Variants in ACBD7 observed in about 807,000 individuals in gnomAD.
ACBD7 encodes the protein acyl-CoA-binding domain-containing protein 7.
A neutral mutation model predicts 13.7 loss-of-function variants in ACBD7; 11 were observed. The observed-to-expected ratio is 0.80, with a 90% CI of 0.50 to 1.33. The LOEUF is 1.33. ACBD7 is among the 40% of genes most tolerant of loss of function. ACBD7 has a pLI of 0.00. For missense variants in ACBD7, 111 were observed against 103.0 expected, an observed-to-expected ratio of 1.08 and a Z score of -0.33; for synonymous variants, 43 against 37.7, an observed-to-expected ratio of 1.14 and a Z score of -0.51.
At position 15,075,999 on chromosome 10, in the gene ACBD7, A is replaced by T; in HGVS notation, c.*2531T>A. 3.1e-6 allele frequency: 2 copies of T among 654,170 alleles called. No homozygotes were observed. The highest frequency in any genetic ancestry group is 3.8e-6 in the Non-Finnish European group (2 of 530,420). The allele number at this position is 654,170 out of a possible 1,614,324, so 40.5% of individuals were successfully genotyped here. A position where few individuals can be genotyped will look rare whatever the true frequency, so the allele number is the denominator to read the frequency against. On this transcript the variant is annotated 3_prime_UTR_variant, in exon 4 of 4. Coordinates refer to ENST00000356189, the MANE Select transcript of ACBD7 (RefSeq NM_001039844.3). The stretch of plus-strand genomic sequence containing the variant: ...AACAAAAAAAAAAAAAAAAAAAAAG[A>T]AAAGAAAAAGAATGTTATATAAATG...
In ACBD7 at chr10:15,078,348, G is replaced by C; in HGVS notation, c.*182C>G. ...TTAAAAAGAACTTTTAAAGACACCT[G>C]GTTTAAGCAAGTACAATTGAGTTAA... On this transcript the variant is annotated 3_prime_UTR_variant, in exon 4 of 4. Transcript: ENST00000356189. 6.9e-7 allele frequency: 1 copy of C among 1,452,424 alleles called. No homozygotes were observed. The highest frequency in any genetic ancestry group is 9.0e-7 in the Non-Finnish European group (1 of 1,108,464). The allele number at this position is 1,452,424 out of a possible 1,614,324, so 90.0% of individuals were successfully genotyped here.
chr10:15,082,234 C>T (rs569481059), intron 1 of ACBD7, among the ~76,000 whole-genome samples: 256 of 143,320 alleles, frequency 1.8e-3, no homozygotes, highest in African/African-American at 6.4e-3. Flanking sequence ...TGCAGTGAGC[C>T]GAGATCATGC....
chr10:15,088,736 G>A lies in ACBD7; in HGVS notation c.-8C>T, dbSNP rs566575247. ...GGGTACCTGCAGGGCCATGGTGGCG[G>A]CTGCCGCGTTGTTGCTGCTGCTGTT... is the stretch of plus-strand genomic sequence containing the variant. On this transcript the variant is annotated 5_prime_UTR_variant, in exon 1 of 4. Coordinates refer to ENST00000356189, the MANE Select transcript of ACBD7 (RefSeq NM_001039844.3). The A allele has an allele frequency of 9.4e-6, 15 of 1,597,886 alleles. No homozygotes were observed. Among genetic ancestry groups the A allele is most frequent in the South Asian group, 8.9e-5 (8 of 89,674 alleles).
At chr10:15,085,972 AGAGATTTCAATAT>A (rs1402971187) in intron 1 of ACBD7, among the ~76,000 whole-genome samples, 1 of 152,174 alleles carries the variant, frequency 6.6e-6, no homozygotes, top group Non-Finnish European at 1.5e-5. Flanking sequence ...TAAAGACAGA[AGAGATTTCAATAT>A]GTCAGCCAGT....
intron 1 of ACBD7, among the ~76,000 whole-genome samples, chr10:15,079,671 T>C (rs1589259823): frequency 6.6e-6 from 1 of 151,292 alleles, no homozygotes; most frequent in South Asian, 2.1e-4. Context: ...CTTCGCCTCC[T>C]GGGTTCATGC....
intron 1 of ACBD7, among the ~76,000 whole-genome samples, chr10:15,083,285 G>A (rs1844770933): frequency 6.6e-6 from 1 of 152,180 alleles, no homozygotes; most frequent in South Asian, 2.1e-4. Context: ...CCTTCCTGCA[G>A]GAGGCCTTTC....
chr10:15,078,584 C>A lies in ACBD7; in HGVS notation c.213G>T (p.Ala71=). The A allele has an allele frequency of 6.2e-7, 1 of 1,614,094 alleles. No individual in the cohort carries two copies. The highest frequency in any genetic ancestry group is 8.5e-7 in the Non-Finnish European group (1 of 1,180,030). Residue 71 remains alanine, a synonymous_variant, in exon 4 of 4, where the codon GCG becomes GCT. Transcript: ENST00000356189. ...NLKKGLSTED[A]TSAYISKAKE... ...TTGCTTTAGAAATATAGGCACTCGT[C>A]GCATCTTCCGTCGACAACCCTAGAA...
intron 1 of ACBD7, among the ~76,000 whole-genome samples, chr10:15,084,098 C>A (rs908016886): frequency 6.6e-6 from 1 of 152,130 alleles, no homozygotes; most frequent in African/African-American, 2.4e-5. Context: ...ATCGGGTCTG[C>A]GATTGTTGGC....
chr10:15,080,610 A>C (rs2131394282), intron 1 of ACBD7, among the ~76,000 whole-genome samples: 1 of 152,166 alleles, frequency 6.6e-6, no homozygotes, highest in Middle Eastern at 3.4e-3. Context: ...AAATGTACTT[A>C]AGTAGTTTAA....
chr10:15,080,232 T>G (rs1280623245), intron 1 of ACBD7, among the ~76,000 whole-genome samples: 1 of 152,170 alleles, frequency 6.6e-6, no homozygotes, highest in Non-Finnish European at 1.5e-5. Context: ...GGGAAAACTT[T>G]GTATACCAAT....
At position 15,075,832 on chromosome 10, in the gene ACBD7, G is replaced by A. The variant is rs1844672623; in HGVS notation, c.*2698C>T. Reference sequence around the variant, plus strand: ...CTATGAAAAATACAAAAATTAGCTGGGCATGGTTGCACGCACCTGTAGTCC... The same window carrying A: ...CTATGAAAAATACAAAAATTAGCTGAGCATGGTTGCACGCACCTGTAGTCC... On this transcript the variant is annotated 3_prime_UTR_variant, in exon 4 of 4. Transcript: ENST00000356189. 6.6e-6 allele frequency among the ~76,000 whole-genome samples: 1 copy of A among 151,918 alleles called. No homozygotes were observed. The highest frequency in any genetic ancestry group is 2.4e-5 in the African/African-American group (1 of 41,350).
Position 15,078,306 on chromosome 10 carries a change from A to G in ACBD7, c.*224T>C. 1.5e-6 allele frequency: 2 copies of G among 1,367,796 alleles called. No individual in the cohort carries two copies. Among genetic ancestry groups the G allele is most frequent in the Non-Finnish European group, 1.9e-6 (2 of 1,054,636 alleles). 84.7% of individuals were successfully genotyped at this position (1,367,796 alleles called of 1,614,324 possible). A position where few individuals can be genotyped will look rare whatever the true frequency, so the allele number is the denominator to read the frequency against. ...ATGGCTCCATAGTATTCCATGGTGT[A>G]TATGTGCCACATTTTCTTAAAAAGA... On this transcript the variant is annotated 3_prime_UTR_variant, in exon 4 of 4. Transcript: ENST00000356189.
chr10:15,083,698 G>A (rs983784531), intron 1 of ACBD7, among the ~76,000 whole-genome samples: 5 of 152,112 alleles, frequency 3.3e-5, no homozygotes, highest in African/African-American at 1.2e-4. Context: ...GGCCAAGCTG[G>A]TCTTGAACTC....
intron 1 of ACBD7, among the ~76,000 whole-genome samples, chr10:15,082,025 C>T (rs897654219): frequency 1.3e-5 from 2 of 152,196 alleles, no homozygotes; most frequent in Admixed American, 6.5e-5. Context: ...CAGTGGCTCA[C>T]ACCTGTAATC....
At chr10:15,078,867 C>A in intron 2 of ACBD7, 56 bp downstream of exon 2, 1 of 1,208,610 alleles carries the variant, frequency 8.3e-7, no homozygotes, top group Non-Finnish European at 1.1e-6. Context: ...ATTATAATCG[C>A]AATTAATATA....
intron 1 of ACBD7, 120 bp downstream of exon 1, chr10:15,088,597 G>T: frequency 7.5e-7 from 1 of 1,335,402 alleles, no homozygotes; most frequent in South Asian, 1.4e-5. Context: ...GGGAAGGAGT[G>T]GGCGTGTCCC....
In ACBD7 at chr10:15,078,312, G is replaced by A; in HGVS notation, c.*218C>T. On this transcript the variant is annotated 3_prime_UTR_variant, in exon 4 of 4. Transcript: ENST00000356189. ...CCATAGTATTCCATGGTGTATATGT[G>A]CCACATTTTCTTAAAAAGAACTTTT... is the stretch of plus-strand genomic sequence containing the variant. 2.9e-6 allele frequency: 4 copies of A among 1,386,224 alleles called. No individual in the cohort carries two copies. The East Asian group carries it at 1.1e-4, about 37-fold the overall frequency. The allele number at this position is 1,386,224 out of a possible 1,614,324, so 85.9% of individuals were successfully genotyped here. A position where few individuals can be genotyped will look rare whatever the true frequency, so the allele number is the denominator to read the frequency against.
intron 1 of ACBD7, among the ~76,000 whole-genome samples, chr10:15,081,790 A>G (rs1317565742): frequency 1.3e-5 from 2 of 152,240 alleles, no homozygotes; most frequent in East Asian, 1.9e-4. Flanking sequence ...CAGGGTCTTC[A>G]GCCTAAATAA....
In ACBD7 at chr10:15,078,431, C is replaced by A; in HGVS notation, c.*99G>T. The A allele has an allele frequency of 6.3e-7, 1 of 1,594,614 alleles. No homozygotes were observed. Among genetic ancestry groups the A allele is most frequent in the East Asian group, 2.2e-5 (1 of 44,674 alleles). ...AGCTCATGCTAATAGCAAAAATATA[C>A]ATGATACATCAAGTTAACAGTATGC... On this transcript the variant is annotated 3_prime_UTR_variant, in exon 4 of 4. Coordinates refer to ENST00000356189, the MANE Select transcript of ACBD7 (RefSeq NM_001039844.3).
Sources: gnomAD v4.1 joint callset for allele counts (sites outside exome capture counted in the v4.1 genomes callset) on GRCh38, gnomAD v4.1.1 for gene constraint, MANE v1.5 for transcripts, NCBI Gene and HGNC (gene_info 2026-07-23, HGNC 2026-07-21) for gene names.